SLC26A7: variants seen among roughly 807,000 people sequenced by gnomAD.
SLC26A7 encodes anion exchange transporter.
Under a neutral mutation model 82.5 loss-of-function variants are expected in SLC26A7, and 59 were observed. That is an observed-to-expected ratio of 0.72 (90% confidence interval 0.58 to 0.89). The LOEUF (loss-of-function observed/expected upper bound fraction) is 0.89, where lower values mean the gene tolerates loss of function less well. Among genes scored for constraint, SLC26A7 ranks in the 40% least tolerant of loss-of-function variants. The pLI, the probability that SLC26A7 is intolerant of heterozygous loss-of-function variation, is 0.00. For synonymous variants in SLC26A7, 271 were observed against 274.3 expected, an observed-to-expected ratio of 0.99 and a Z score of 0.12; for missense variants, 820 against 793.0, an observed-to-expected ratio of 1.03 and a Z score of -0.41.
chr8:91,336,516 C>G (rs1356283179), intron 6 of SLC26A7, among the ~76,000 whole-genome samples: 1 of 151,952 alleles, frequency 6.6e-6, no homozygotes, highest in Non-Finnish European at 1.5e-5. Context: ...CATCTCCCCC[C>G]TCCTCCCCCA....
upstream of SLC26A7, among the ~76,000 whole-genome samples, chr8:91,245,692 G>A (rs1477223115): frequency 6.6e-6 from 1 of 152,080 alleles, no homozygotes; most frequent in Non-Finnish European, 1.5e-5. Context: ...ATTCAAAGAA[G>A]CCTCATGTCA....
chr8:91,281,163 T>C (rs748282696), intron 2 of SLC26A7, among the ~76,000 whole-genome samples: 1 of 152,248 alleles, frequency 6.6e-6, no homozygotes, highest in Non-Finnish European at 1.5e-5. Context: ...GAATTCATTG[T>C]ACAAAGTGAT....
In SLC26A7 at chr8:91,343,459, A is replaced by AG; in HGVS notation, c.1134dup (p.Thr379AspfsTer57). On this transcript the variant is annotated frameshift_variant, in exon 9 of 19. Transcript: ENST00000276609. LOFTEE classifies it high-confidence loss of function. ...GCTGGCCTGTACAGCACAGGAGCGAAGACACAGGTAACTGAATTGTTCCAC... is the reference window on the plus strand; with the variant it reads ...GCTGGCCTGTACAGCACAGGAGCGAAGGACACAGGTAACTGAATTGTTCCAC... The AG allele has an allele frequency of 6.2e-7, 1 of 1,610,290 alleles. No homozygotes were observed. The highest frequency in any genetic ancestry group is 8.5e-7 in the Non-Finnish European group (1 of 1,179,018).
chr8:91,371,868 C>T (rs2130882679), intron 15 of SLC26A7, among the ~76,000 whole-genome samples: 1 of 151,934 alleles, frequency 6.6e-6, no homozygotes, highest in South Asian at 2.1e-4. Context: ...AGTGTGTAAC[C>T]ATTTCCTTTT....
At position 91,291,205 on chromosome 8, in the gene SLC26A7, A is replaced by G. The variant is rs139650137; in HGVS notation, c.304+1959A>G. 3.2e-3 allele frequency among the ~76,000 whole-genome samples: 492 copies of G among 152,278 alleles called. 3 individuals carry two copies. Among genetic ancestry groups the G allele is most frequent in the Admixed American group, 7.2e-3 (110 of 15,300 alleles). On this transcript the variant is annotated intron_variant, in intron 3 of 18. Coordinates refer to ENST00000276609, the MANE Select transcript of SLC26A7 (RefSeq NM_052832.4). ...CTTTTAAATAGATATTATTACCTTTACATTGCACGTGAAAAGAAAACACTA... is the reference window on the plus strand; with the variant it reads ...CTTTTAAATAGATATTATTACCTTTGCATTGCACGTGAAAAGAAAACACTA...
Position 91,318,392 on chromosome 8 carries a change from G to T in SLC26A7, c.642+12G>T. 1.9e-6 allele frequency: 3 copies of T among 1,590,752 alleles called. No homozygotes were observed. Among genetic ancestry groups the T allele is most frequent in the Non-Finnish European group, 1.7e-6 (2 of 1,165,196 alleles). On this transcript the variant is annotated intron_variant, in intron 5 of 18. Coordinates refer to ENST00000276609, the MANE Select transcript of SLC26A7 (RefSeq NM_052832.4). ...TTGGATTCTTTTATGTGAGTTTTTC[G>T]TATGCTTTCATACATATCTTTTGAA...
intron 4 of SLC26A7, among the ~76,000 whole-genome samples, chr8:91,305,573 C>A (rs1443974360): frequency 6.6e-6 from 1 of 152,176 alleles, no homozygotes; most frequent in Non-Finnish European, 1.5e-5. Context: ...CCAGAGGAGT[C>A]AAATTGTCTA....
intron 12 of SLC26A7, among the ~76,000 whole-genome samples, chr8:91,362,905 T>C (rs1465970547): frequency 2.0e-5 from 3 of 152,042 alleles, no homozygotes; most frequent in African/African-American, 4.8e-5. Context: ...ACACACTGTC[T>C]CTTTTTGTCA....
intron 15 of SLC26A7, among the ~76,000 whole-genome samples, chr8:91,371,718 G>T (rs1020232765): frequency 1.3e-5 from 2 of 151,860 alleles, no homozygotes; most frequent in Non-Finnish European, 2.9e-5. Flanking sequence ...TTGATAAAAT[G>T]ATTTCTTTTC....
In SLC26A7 at chr8:91,295,646, T is replaced by C. The variant is rs192849251; in HGVS notation, c.420T>C (p.Phe140=). Residue 140 remains phenylalanine (F), a synonymous_variant, in exon 4 of 19, where the codon TTT becomes TTC. Transcript: ENST00000276609. ...CAAGCGTGCTGGGCTTATCCGACTT[T>C]GAAATGCAAAGGATCCACGTTGCTG... ...SNTSVLGLSD[F]EMQRIHVAAA... 7.4e-6 allele frequency: 12 copies of C among 1,614,104 alleles called. No homozygotes were observed. In the East Asian group the frequency reaches 2.7e-4, roughly 36 times the overall value.
rs113758751 is a variant in SLC26A7 at position 91,330,078 on chromosome 8, A to T, written c.643-4217A>T. Among the ~76,000 whole-genome samples, 225 of 152,254 alleles carry T rather than the reference A, an allele frequency of 1.5e-3. 2 individuals carry two copies. The highest frequency in any genetic ancestry group is 5.3e-3 in the African/African-American group (222 of 41,560). ...AAATAGAATTATGTGAAAAAGATAA[A>T]AAGCAAAGCTACCTGACCCCTAATA... On this transcript the variant is annotated intron_variant, in intron 5 of 18. Transcript: ENST00000276609.
intron 3 of SLC26A7, among the ~76,000 whole-genome samples, chr8:91,293,538 T>A (rs1173688485): frequency 6.6e-6 from 1 of 152,216 alleles, no homozygotes; most frequent in Non-Finnish European, 1.5e-5. Context: ...GTGGTGGATA[T>A]GCCTGTACCC....
At chr8:91,375,299 G>C (rs1437344803) in intron 15 of SLC26A7, among the ~76,000 whole-genome samples, 1 of 152,076 alleles carries the variant, frequency 6.6e-6, no homozygotes, top group Non-Finnish European at 1.5e-5. Flanking sequence ...TAGTTGCTTT[G>C]TAGTCTCAAA....
chr8:91,219,436 T>TA (rs1810121921), intron 2 of SLC26A7, among the ~76,000 whole-genome samples: 1 of 152,184 alleles, frequency 6.6e-6, no homozygotes, highest in African/African-American at 2.4e-5. Flanking sequence ...TAATATCTAC[T>TA]GACCTTCACA....
intron 16 of SLC26A7, 143 bp from the exon 17 acceptor site, chr8:91,393,654 A>G: frequency 1.3e-6 from 1 of 795,350 alleles, no homozygotes; most frequent in Non-Finnish European, 2.1e-6. Flanking sequence ...ATTATGCCTG[A>G]CTGTGTAACA....
chr8:91,364,305 T>A (rs1814130995), intron 13 of SLC26A7, among the ~76,000 whole-genome samples: 1 of 152,162 alleles, frequency 6.6e-6, no homozygotes, highest in Admixed American at 6.5e-5. Context: ...TATCTCATAA[T>A]TTCCCTAAGG....
intron 1 of SLC26A7, among the ~76,000 whole-genome samples, chr8:91,211,177 G>T (rs1467135001): frequency 1.3e-5 from 2 of 151,954 alleles, no homozygotes; most frequent in Non-Finnish European, 2.9e-5. Flanking sequence ...GGGAGTGTCA[G>T]AAAATTATAA....
chr8:91,359,886 G>A (rs1563698486), intron 11 of SLC26A7, among the ~76,000 whole-genome samples: 1 of 142,182 alleles, frequency 7.0e-6, no homozygotes, highest in East Asian at 1.9e-4. Flanking sequence ...ATGTGTGTGT[G>A]TGTGTGTGTG....
At chr8:91,352,323 C>T (rs748850071) in intron 10 of SLC26A7, among the ~76,000 whole-genome samples, 75 of 152,234 alleles carry the variant, frequency 4.9e-4, no homozygotes, top group Non-Finnish European at 9.7e-4. Flanking sequence ...GCTTCACCTT[C>T]TTCTTCATAA....
Sources: gnomAD v4.1 joint callset for allele counts (sites outside exome capture counted in the v4.1 genomes callset) on GRCh38, gnomAD v4.1.1 for gene constraint, MANE v1.5 for transcripts, NCBI Gene and HGNC (gene_info 2026-07-23, HGNC 2026-07-21) for gene names.